The following PSMA3 variants were observed in gnomAD, a reference collection of about 807,000 sequenced individuals.
PSMA3 encodes proteasome subunit alpha type-3.
A neutral mutation model predicts 40.0 loss-of-function variants in PSMA3; 8 were observed. That is an observed-to-expected ratio of 0.20 (90% confidence interval 0.12 to 0.36). The LOEUF (loss-of-function observed/expected upper bound fraction) is 0.36. Ranked by LOEUF, PSMA3 falls within the 10% of genes least tolerant of loss-of-function variation. PSMA3 has a pLI of 1.00. For synonymous variants in PSMA3, 110 were observed against 100.0 expected (o/e 1.10, Z -0.59); for missense variants, 219 against 310.6 (o/e 0.70, Z 2.22).
intron 3 of PSMA3, among the ~76,000 whole-genome samples, 188 bp downstream of exon 3, chr14:58,252,430 AAAG>A (rs553742030): frequency 1.7e-3 from 263 of 152,322 alleles, no homozygotes; most frequent in Non-Finnish European, 1.7e-3. Context: ...CAAGTTGCTG[AAAG>A]AAGAGCAGGT....
chr14:58,249,902 T>G (rs1377908222), intron 2 of PSMA3, among the ~76,000 whole-genome samples: 2 of 152,250 alleles, frequency 1.3e-5, no homozygotes, highest in Middle Eastern at 3.4e-3. Context: ...TTAAACAGTG[T>G]GGAAGATGTT....
Position 58,244,853 on chromosome 14 carries a change from G to A in PSMA3, c.-68G>A. 1.2e-6 allele frequency: 2 copies of A among 1,609,100 alleles called. No homozygotes were observed. Among genetic ancestry groups the A allele is most frequent in the Non-Finnish European group, 1.7e-6 (2 of 1,175,454 alleles). On this transcript the variant is annotated 5_prime_UTR_variant, in exon 1 of 11. Transcript: ENST00000216455. ...ATGAGCGGGCCTGTTACTAGTTTGC[G>A]GCATCCTGTGGTATAGGGGAAGCGC...
At chr14:58,252,096 T>G in intron 2 of PSMA3, 23 bp from the exon 3 acceptor site, 1 of 1,567,198 alleles carries the variant, frequency 6.4e-7, no homozygotes, top group Non-Finnish European at 8.6e-7. Context: ...GTTAAAAAAC[T>G]GATTTTCTTC....
intron 6 of PSMA3, 81 bp downstream of exon 6, chr14:58,261,101 A>G: frequency 2.1e-6 from 2 of 935,894 alleles, no homozygotes; most frequent in Admixed American, 5.2e-5. Context: ...ATAAGATTAT[A>G]TGAAATTAAA....
intron 8 of PSMA3, chr14:58,270,101 C>G (rs1890570555): frequency 4.7e-6 from 1 of 211,308 alleles, no homozygotes; most frequent in African/African-American, 2.3e-5. Context: ...CCGCCTTGGT[C>G]TCCCAAAGTG....
chr14:58,258,539 G>T (rs1313800259), intron 5 of PSMA3: 2 of 149,700 alleles, frequency 1.3e-5, no homozygotes, highest in Non-Finnish European at 3.0e-5. Context: ...ACTTTAATCT[G>T]ATTATAATAA....
chr14:58,246,196 C>T (rs6573194), intron 1 of PSMA3, among the ~76,000 whole-genome samples: 79,465 of 151,868 alleles, frequency 0.52, 21,271 homozygotes, highest in Middle Eastern at 0.67. Context: ...TGTTTGTCTG[C>T]TTGACATGTC....
intron 1 of PSMA3, chr14:58,245,298 G>A (rs1030945912): frequency 1.2e-5 from 3 of 255,046 alleles, no homozygotes; most frequent in African/African-American, 4.3e-5. Context: ...CACCGAGGCA[G>A]TGAGATTTGG....
chr14:58,253,550 AT>A (rs1674015274), intron 3 of PSMA3, among the ~76,000 whole-genome samples: 1 of 152,144 alleles, frequency 6.6e-6, no homozygotes, highest in Non-Finnish European at 1.5e-5. Context: ...TCTCAACAAT[AT>A]GTTTCTCCTG....
chr14:58,259,291 CT>C (rs1221021437), intron 5 of PSMA3, among the ~76,000 whole-genome samples: 5 of 151,982 alleles, frequency 3.3e-5, no homozygotes, highest in South Asian at 2.1e-4. Context: ...GTAGAGATAA[CT>C]TTTTTTCATA....
At chr14:58,263,859 T>A in intron 7 of PSMA3, 89 bp downstream of exon 7, 1 of 1,203,202 alleles carries the variant, frequency 8.3e-7, no homozygotes, top group Non-Finnish European at 1.2e-6. Flanking sequence ...AAGGCAGGGA[T>A]GTCCAATCAT....
In PSMA3 at chr14:58,271,017, A is replaced by T; in HGVS notation, c.723+19A>T. On this transcript the variant is annotated intron_variant, in intron 10 of 10. Transcript: ENST00000216455. Reference sequence around the variant, plus strand: ...TGCTAAGGTAAGCCACAGCACAAAAACTTCTCTTGGCCAGGTACAGTCAGG... The same window carrying T: ...TGCTAAGGTAAGCCACAGCACAAAATCTTCTCTTGGCCAGGTACAGTCAGG... The T allele has an allele frequency of 1.3e-6, 2 of 1,580,860 alleles. No homozygotes were observed. The highest frequency in any genetic ancestry group is 1.7e-6 in the Non-Finnish European group (2 of 1,156,904).
chr14:58,270,341 T>G (rs2140099096), intron 8 of PSMA3, 77 bp from the exon 9 acceptor site: 3 of 1,570,260 alleles, frequency 1.9e-6, no homozygotes, highest in Non-Finnish European at 2.6e-6. Flanking sequence ...CATTCTAATT[T>G]GTACTGACTT....
intron 7 of PSMA3, 188 bp from the exon 8 acceptor site, chr14:58,267,286 G>C: frequency 9.5e-7 from 1 of 1,057,206 alleles, no homozygotes; most frequent in Non-Finnish European, 1.2e-6. Flanking sequence ...ACAGGCACAA[G>C]CCACTGCACC....
chr14:58,268,698 G>A (rs889612741), intron 8 of PSMA3: 2 of 152,184 alleles, frequency 1.3e-5, no homozygotes, highest in African/African-American at 2.4e-5. Context: ...CTGGAAATCA[G>A]TTCTTACCAT....
chr14:58,245,840 G>A (rs901549452), intron 1 of PSMA3, among the ~76,000 whole-genome samples: 1 of 152,110 alleles, frequency 6.6e-6, no homozygotes, highest in Admixed American at 6.5e-5. Context: ...TTCAAGTACC[G>A]GTGTTCTAAA....
intron 6 of PSMA3, 122 bp downstream of exon 6, chr14:58,261,142 T>A: frequency 3.8e-5 from 6 of 159,214 alleles, no homozygotes; most frequent in East Asian, 1.8e-4. Context: ...GTAATTTTTC[T>A]TTTTTTTTTT....
At chr14:58,270,265 C>T (rs1269905182) in intron 8 of PSMA3, 153 bp from the exon 9 acceptor site, 1 of 1,092,514 alleles carries the variant, frequency 9.2e-7, no homozygotes, top group African/African-American at 1.6e-5. Context: ...AATTTGTCTT[C>T]TCTAATGTTA....
At chr14:58,260,413 A>T (rs1890248888) in intron 5 of PSMA3, among the ~76,000 whole-genome samples, 2 of 152,236 alleles carry the variant, frequency 1.3e-5, no homozygotes, top group South Asian at 2.1e-4. Flanking sequence ...GAACTCATGG[A>T]AACAGTGCCC....
Sources: gnomAD v4.1 joint callset for allele counts (sites outside exome capture counted in the v4.1 genomes callset) on GRCh38, gnomAD v4.1.1 for gene constraint, MANE v1.5 for transcripts, NCBI Gene and HGNC (gene_info 2026-07-23, HGNC 2026-07-21) for gene names.